GRM1: variants seen among roughly 807,000 people sequenced by gnomAD.
GRM1 encodes metabotropic glutamate receptor 1.
GRM1 carries 33 observed loss-of-function variants against 90.9 expected under a neutral mutation model. The ratio of observed to expected loss-of-function variants is 0.36; its 90% confidence interval spans 0.28 to 0.49. The LOEUF (loss-of-function observed/expected upper bound fraction) is 0.49, where lower values mean the gene tolerates loss of function less well. GRM1 is among the 20% of genes least tolerant of loss of function. The pLI, the probability that GRM1 is intolerant of heterozygous loss-of-function variation, is 0.99. For missense variants in GRM1, 1,190 were observed against 1,534.3 expected (o/e 0.78, Z 3.75); for synonymous variants, 700 against 613.2 (o/e 1.14, Z -2.09).
At position 146,303,402 on chromosome 6, in the gene GRM1, T is replaced by A. The variant is rs573741495; in HGVS notation, c.951-1209T>A. Among the ~76,000 whole-genome samples the A allele has an allele frequency of 2.6e-5, 4 of 152,282 alleles. No homozygotes were observed. The East Asian group carries it at 7.7e-4, about 29-fold the overall frequency. ...AACTTTAGACAGGTTTCTTCCTGAGTACAGGCCCCTGACGTCCCTTTTCTA... is the reference window on the plus strand; with the variant it reads ...AACTTTAGACAGGTTTCTTCCTGAGAACAGGCCCCTGACGTCCCTTTTCTA... On this transcript the variant is annotated intron_variant, in intron 2 of 7. Coordinates refer to ENST00000282753, the MANE Select transcript of GRM1 (RefSeq NM_001278064.2).
intron 2 of GRM1, among the ~76,000 whole-genome samples, chr6:146,189,351 A>C (rs1279122748): frequency 6.6e-6 from 1 of 152,180 alleles, no homozygotes; most frequent in African/African-American, 2.4e-5. Context: ...GGGTTAAGCC[A>C]CTATGACATC....
In GRM1 at chr6:146,401,448, G is replaced by C. The variant is rs189601834; in HGVS notation, c.2660+1749G>C. On this transcript the variant is annotated intron_variant, in intron 7 of 7. Transcript: ENST00000282753. ...ATGGGAAAAAATAATTAGACAATTA[G>C]TCCAGATGTAAAATGGCATCACTAA... Among the ~76,000 whole-genome samples the C allele has an allele frequency of 4.1e-3, 621 of 152,192 alleles. 4 individuals are homozygous for C. The highest frequency in any genetic ancestry group is 0.01 in the Middle Eastern group (3 of 294).
At chr6:146,376,372 G>T (rs1199733472) in intron 5 of GRM1, among the ~76,000 whole-genome samples, 1 of 151,912 alleles carries the variant, frequency 6.6e-6, no homozygotes, top group Non-Finnish European at 1.5e-5. Context: ...AGCGAATTTT[G>T]TACCTTGAGG....
chr6:146,246,169 G>A (rs929142476), intron 2 of GRM1, among the ~76,000 whole-genome samples: 19 of 152,302 alleles, frequency 1.2e-4, no homozygotes, highest in Admixed American at 7.9e-4. Context: ...TCGATCACTA[G>A]CAGTTATACT....
intron 3 of GRM1, among the ~76,000 whole-genome samples, chr6:146,349,234 TTTTTTTTTTTTA>T (rs1397920726): frequency 2.7e-5 from 2 of 73,990 alleles, no homozygotes; most frequent in African/African-American, 1.3e-4. Flanking sequence ...GCCCGGCTAT[TTTTTTTTTTTTA>T]TTTTTTTTTT....
chr6:146,305,450 T>G (rs1422862659), intron 3 of GRM1, among the ~76,000 whole-genome samples: 1 of 152,188 alleles, frequency 6.6e-6, no homozygotes, highest in Non-Finnish European at 1.5e-5. Context: ...CCACAGGATG[T>G]CCTCCTTGCA....
chr6:146,308,998 T>C lies in GRM1; in HGVS notation c.1186+4152T>C, dbSNP rs1346340101. Among the ~76,000 whole-genome samples the C allele has an allele frequency of 2.0e-5, 3 of 152,304 alleles. No individual in the cohort carries two copies. The East Asian group carries it at 5.8e-4, about 29-fold the overall frequency. On this transcript the variant is annotated intron_variant, in intron 3 of 7. Coordinates refer to ENST00000282753, the MANE Select transcript of GRM1 (RefSeq NM_001278064.2). ...TTCACAATTTTCAAAAATGTTGCAG[T>C]GATATAATAAAAAAATTTTCATTCT...
At chr6:146,309,328 G>A (rs554065343) in intron 3 of GRM1, among the ~76,000 whole-genome samples, 2 of 151,962 alleles carry the variant, frequency 1.3e-5, no homozygotes, top group South Asian at 4.2e-4. Flanking sequence ...GAGCCTGGGA[G>A]GCAGAGGTTG....
intron 2 of GRM1, among the ~76,000 whole-genome samples, chr6:146,280,774 C>T (rs1294692184): frequency 6.8e-6 from 1 of 146,410 alleles, no homozygotes; most frequent in Non-Finnish European, 1.5e-5. Flanking sequence ...ACTAACACCA[C>T]CTAGCCCAGG....
intron 2 of GRM1, among the ~76,000 whole-genome samples, chr6:146,284,781 A>G (rs1025000242): frequency 2.6e-5 from 4 of 152,202 alleles, no homozygotes; most frequent in Admixed American, 6.5e-5. Flanking sequence ...CTCTCCAGCC[A>G]TGTGGAACTG....
chr6:146,104,300 C>T lies in GRM1; in HGVS notation c.701-55048C>T, dbSNP rs1044622022. On this transcript the variant is annotated intron_variant, in intron 1 of 7. Coordinates refer to ENST00000282753, the MANE Select transcript of GRM1 (RefSeq NM_001278064.2). Reference sequence around the variant, plus strand: ...CTAAAAATACAAAAAATTAGCCAGGCGTGGTGGCGGGCGCCTGTAGTCCCA... The same window carrying T: ...CTAAAAATACAAAAAATTAGCCAGGTGTGGTGGCGGGCGCCTGTAGTCCCA... 3.9e-5 allele frequency among the ~76,000 whole-genome samples: 6 copies of T among 152,108 alleles called. No individual in the cohort carries two copies. In the South Asian group the frequency reaches 6.2e-4, roughly 16 times the overall value.
chr6:146,046,072 A>AGTCC (rs1323775521), intron 1 of GRM1, among the ~76,000 whole-genome samples: 1 of 152,006 alleles, frequency 6.6e-6, no homozygotes, highest in African/African-American at 2.4e-5. Flanking sequence ...AACTGCTTTA[A>AGTCC]GTCCATCTGT....
chr6:146,170,555 C>T (rs1778079944), intron 2 of GRM1, among the ~76,000 whole-genome samples: 2 of 152,126 alleles, frequency 1.3e-5, no homozygotes, highest in African/African-American at 4.8e-5. Flanking sequence ...ACAGTTGAGC[C>T]CTTCTAATAA....
chr6:146,351,275 T>C (rs1785400739), intron 3 of GRM1, among the ~76,000 whole-genome samples: 1 of 152,104 alleles, frequency 6.6e-6, no homozygotes. Context: ...ACACATCACA[T>C]CGACCCCCTA....
intron 2 of GRM1, among the ~76,000 whole-genome samples, chr6:146,183,755 C>A (rs1293302223): frequency 1.3e-5 from 2 of 152,094 alleles, no homozygotes; most frequent in Non-Finnish European, 2.9e-5. Flanking sequence ...AATTCAGGTA[C>A]ATTTCTCTCC....
At chr6:146,129,474 A>T (rs535425588) in intron 1 of GRM1, among the ~76,000 whole-genome samples, 2 of 152,158 alleles carry the variant, frequency 1.3e-5, no homozygotes, top group Admixed American at 6.5e-5. Flanking sequence ...GAAGCCTTCT[A>T]TAAAGAGTTG....
At chr6:146,418,498 A>G (rs1017535967) in intron 7 of GRM1, among the ~76,000 whole-genome samples, 1 of 152,020 alleles carries the variant, frequency 6.6e-6, no homozygotes, top group Admixed American at 6.6e-5. Flanking sequence ...TGATATTTTT[A>G]TGTATATCCT....
intron 1 of GRM1, among the ~76,000 whole-genome samples, chr6:146,061,515 T>A (rs1775668337): frequency 6.6e-6 from 1 of 152,024 alleles, no homozygotes; most frequent in African/African-American, 2.4e-5. Context: ...GAAACTATCA[T>A]AAGAGTAAAC....
chr6:146,351,529 G>T (rs1785411902), intron 3 of GRM1, among the ~76,000 whole-genome samples: 1 of 152,108 alleles, frequency 6.6e-6, no homozygotes, highest in Non-Finnish European at 1.5e-5. Flanking sequence ...AACCTGCTTG[G>T]CAGTAGGGGA....
Sources: allele counts gnomAD v4.1 joint callset (sites outside exome capture counted in the v4.1 genomes callset), GRCh38; gene constraint gnomAD v4.1.1; transcripts MANE v1.5; gene names NCBI Gene and HGNC (gene_info 2026-07-23, HGNC 2026-07-21).